The following HPSE2 variants were observed in gnomAD, a reference collection of about 807,000 sequenced individuals.
HPSE2 encodes the protein heparanase 2 (inactive).
HPSE2 carries 38 observed loss-of-function variants against 60.5 expected under a neutral mutation model. That is an observed-to-expected ratio of 0.63 (90% CI 0.48 to 0.82). The LOEUF is 0.82. HPSE2 is among the 40% of genes least tolerant of loss of function. The probability of loss-of-function intolerance (pLI) is 0.00; values close to 1 mark genes in which losing one functional copy is unlikely to be tolerated. For missense variants in HPSE2, 713 were observed against 740.4 expected, an observed-to-expected ratio of 0.96 and a Z score of 0.43; for synonymous variants, 295 against 293.2, an observed-to-expected ratio of 1.01 and a Z score of -0.06.
chr10:99,202,889 T>G (rs940967713), intron 2 of HPSE2, among the ~76,000 whole-genome samples: 10 of 152,084 alleles, frequency 6.6e-5, no homozygotes, highest in African/African-American at 2.4e-4. Flanking sequence ...TTTACCCATG[T>G]CACCCCTCCT....
intron 2 of HPSE2, among the ~76,000 whole-genome samples, chr10:99,145,246 G>A (rs989907085): frequency 6.6e-6 from 1 of 152,134 alleles, no homozygotes; most frequent in African/African-American, 2.4e-5. Context: ...CACGATGTCA[G>A]GAGTTCAAGA....
At chr10:98,744,564 A>C (rs1318057207) in intron 3 of HPSE2, among the ~76,000 whole-genome samples, 2 of 152,120 alleles carry the variant, frequency 1.3e-5, no homozygotes, top group Non-Finnish European at 2.9e-5. Context: ...AACAAACAAA[A>C]AAAAACAAGC....
chr10:99,245,988 G>C, the HPSE2 span, among the ~76,000 whole-genome samples: 1 of 152,196 alleles, frequency 6.6e-6, no homozygotes, highest in South Asian at 2.1e-4. Flanking sequence ...TAAATACAAT[G>C]ATAGGTGAGA....
chr10:98,664,748 G>A (rs990010143), intron 6 of HPSE2, among the ~76,000 whole-genome samples: 1 of 152,178 alleles, frequency 6.6e-6, no homozygotes, highest in Non-Finnish European at 1.5e-5. Flanking sequence ...TAAAGATCTT[G>A]TTAAGAGCCT....
intron 3 of HPSE2, among the ~76,000 whole-genome samples, chr10:98,967,526 G>A (rs957574300): frequency 2.0e-5 from 3 of 151,974 alleles, no homozygotes; most frequent in Non-Finnish European, 4.4e-5. Flanking sequence ...GTTTTATTTG[G>A]TTTCTCGATT....
At chr10:99,207,753 T>C (rs1407667295) in intron 2 of HPSE2, among the ~76,000 whole-genome samples, 1 of 152,050 alleles carries the variant, frequency 6.6e-6, no homozygotes, top group East Asian at 1.9e-4. Context: ...TATGTTTTTA[T>C]ATAAGCTTCA....
chr10:98,610,625 T>G (rs1234557246), intron 9 of HPSE2, among the ~76,000 whole-genome samples: 1 of 152,222 alleles, frequency 6.6e-6, no homozygotes, highest in East Asian at 1.9e-4. Context: ...TAAATTTCCA[T>G]ACCACTGTGC....
At chr10:99,026,432 A>G (rs902262978) in intron 3 of HPSE2, among the ~76,000 whole-genome samples, 1 of 152,108 alleles carries the variant, frequency 6.6e-6, no homozygotes, top group Admixed American at 6.6e-5. Context: ...TTTTAAATAT[A>G]TATGCACCCA....
intron 3 of HPSE2, among the ~76,000 whole-genome samples, chr10:99,095,821 A>C (rs932792072): frequency 6.6e-6 from 1 of 152,182 alleles, no homozygotes; most frequent in Non-Finnish European, 1.5e-5. Flanking sequence ...AATTATGACT[A>C]ATGCTGTTAT....
At chr10:99,073,492 G>T (rs986896251) in intron 3 of HPSE2, among the ~76,000 whole-genome samples, 2 of 152,098 alleles carry the variant, frequency 1.3e-5, no homozygotes, top group Non-Finnish European at 1.5e-5. Flanking sequence ...GGTGGGGGAA[G>T]AAGAGCATTA....
intron 3 of HPSE2, among the ~76,000 whole-genome samples, chr10:98,863,679 C>T (rs995695369): frequency 6.6e-6 from 1 of 152,142 alleles, no homozygotes; most frequent in African/African-American, 2.4e-5. Context: ...TTAAATATTC[C>T]TTCAATGACT....
At chr10:98,761,514 C>T (rs1950004338) in intron 3 of HPSE2, among the ~76,000 whole-genome samples, 1 of 152,024 alleles carries the variant, frequency 6.6e-6, no homozygotes, top group Non-Finnish European at 1.5e-5. Context: ...GCATTTATTA[C>T]TATAAACCTC....
At chr10:98,475,366 G>A (rs1385607499) in intron 11 of HPSE2, among the ~76,000 whole-genome samples, 6 of 152,108 alleles carry the variant, frequency 3.9e-5, no homozygotes, top group South Asian at 2.1e-4. Flanking sequence ...GTGACCCCCC[G>A]CCTCGGCCTC....
At chr10:99,305,979 G>GCGCGCGCGCGCACACACACACA in the HPSE2 span, among the ~76,000 whole-genome samples, 136 of 80,558 alleles carry the variant, frequency 1.7e-3, no homozygotes, top group Non-Finnish European at 2.8e-3. Context: ...GCGCGCGCGC[G>GCGCGCGCGCGCACACACACACA]CACACACACA....
intron 3 of HPSE2, among the ~76,000 whole-genome samples, chr10:99,141,536 C>A (rs1260292378): frequency 6.6e-6 from 1 of 152,160 alleles, no homozygotes; most frequent in African/African-American, 2.4e-5. Flanking sequence ...ATAAGGAATA[C>A]TTCAACGAAG....
intron 10 of HPSE2, among the ~76,000 whole-genome samples, chr10:98,485,521 G>A (rs956791689): frequency 6.6e-6 from 1 of 152,002 alleles, no homozygotes; most frequent in Non-Finnish European, 1.5e-5. Flanking sequence ...GGTCAGAAGA[G>A]AATGCCAGTT....
At chr10:98,876,590 G>C (rs1952883534) in intron 3 of HPSE2, among the ~76,000 whole-genome samples, 1 of 151,848 alleles carries the variant, frequency 6.6e-6, no homozygotes, top group Admixed American at 6.6e-5. Flanking sequence ...AAAATATTGA[G>C]CCTATTTTCA....
At chr10:98,857,638 T>C (rs936715723) in intron 3 of HPSE2, among the ~76,000 whole-genome samples, 3 of 151,924 alleles carry the variant, frequency 2.0e-5, no homozygotes, top group African/African-American at 7.3e-5. Context: ...CTCAATGGAG[T>C]TGTGTCTTCT....
rs528060590 is a variant in HPSE2, at chr10:99,227,681, A to G, written c.448+4667T>C. Among the ~76,000 whole-genome samples the G allele has an allele frequency of 4.0e-5, 6 of 151,754 alleles. No individual in the cohort carries two copies. The South Asian group carries it at 1.3e-3, about 32-fold the overall frequency. ...TTTCACAGTGCTTTTAACCTAGCAT[A>G]CACCCAAGAAAATTTGCTGAAGATC... is the stretch of plus-strand genomic sequence containing the variant. On this transcript the variant is annotated intron_variant, in intron 2 of 11. Transcript: ENST00000370552.
Sources: allele counts gnomAD v4.1 joint callset (sites outside exome capture counted in the v4.1 genomes callset), GRCh38; gene constraint gnomAD v4.1.1; transcripts MANE v1.5; gene names NCBI Gene and HGNC (gene_info 2026-07-23, HGNC 2026-07-21).